LIMA1: variants seen among roughly 807,000 people sequenced by gnomAD.
LIMA1 encodes the protein LIM domain and actin binding 1.
Under a neutral mutation model 62.6 loss-of-function variants are expected in LIMA1, and 52 were observed. The observed-to-expected ratio is 0.83, with a 90% CI of 0.67 to 1.05. LIMA1 has a LOEUF of 1.05. Ranked by LOEUF, LIMA1 falls within the 50% of genes least tolerant of loss-of-function variation. LIMA1 has a pLI of 0.00. For synonymous variants in LIMA1, 302 were observed against 317.8 expected, an observed-to-expected ratio of 0.95 and a Z score of 0.53; for missense variants, 780 against 902.2, an observed-to-expected ratio of 0.86 and a Z score of 1.74.
intron 4 of LIMA1, among the ~76,000 whole-genome samples, chr12:50,208,523 G>A (rs149242652): frequency 7.9e-4 from 120 of 151,986 alleles, no homozygotes; most frequent in African/African-American, 2.7e-3. Flanking sequence ...TATGGCATGC[G>A]CCTGTAGTCC....
intron 1 of LIMA1, among the ~76,000 whole-genome samples, chr12:50,264,530 A>C (rs1213190405): frequency 6.6e-6 from 1 of 152,234 alleles, no homozygotes; most frequent in Admixed American, 6.5e-5. Flanking sequence ...AGTAGAATGG[A>C]AATAGCAGCT....
At chr12:50,282,701 C>T (rs1942354612) in intron 1 of LIMA1, among the ~76,000 whole-genome samples, 1 of 152,164 alleles carries the variant, frequency 6.6e-6, no homozygotes, top group Non-Finnish European at 1.5e-5. Flanking sequence ...AGGTGCAAGA[C>T]AATAGTAGTT....
Position 50,205,993 on chromosome 12 carries a change from T to C in LIMA1, c.706A>G (p.Ile236Val), listed in dbSNP as rs1157326119. The part of the protein sequence containing the change: ...ENSYSLDDLE[I>V]GPGQLSSSTF... ...GGAACTCTCTGCTTACCTGGGCCTA[T>C]TTCCAGGTCATCTAGAGAATAGCTG... The change falls in exon 5 of 11, where the codon ATA becomes GTA. Residue 236 changes from isoleucine to valine, a missense_variant. Coordinates refer to ENST00000341247, the MANE Select transcript of LIMA1 (RefSeq NM_016357.5). 6 of 1,611,216 alleles carry C rather than the reference T, an allele frequency of 3.7e-6. No homozygotes were observed. The South Asian group carries it at 6.6e-5, about 18-fold the overall frequency.
At position 50,195,702 on chromosome 12, in the gene LIMA1, G is replaced by C; in HGVS notation, c.1030+128C>G. 4.7e-6 allele frequency: 4 copies of C among 847,152 alleles called. No individual in the cohort carries two copies. In the South Asian group the frequency reaches 8.3e-5, roughly 18 times the overall value. 52.5% of individuals were successfully genotyped at this position (847,152 alleles called of 1,614,324 possible). A position where few individuals can be genotyped will look rare whatever the true frequency, so the allele number is the denominator to read the frequency against. ...GTGTGTAAAGGACATTCAAGCATTA[G>C]CCCTTAAATTCAAGTAGAGGATTTA... On this transcript the variant is annotated intron_variant, in intron 8 of 10. Transcript: ENST00000341247.
chr12:50,183,522 A>C (rs559407625), intron 9 of LIMA1, among the ~76,000 whole-genome samples: 1 of 152,142 alleles, frequency 6.6e-6, no homozygotes, highest in African/African-American at 2.4e-5. Context: ...AGTAAAAAAA[A>C]TCCAAAATAG....
At chr12:50,249,565 T>A (rs911972882) in intron 1 of LIMA1, 1 of 152,090 alleles carries the variant, frequency 6.6e-6, no homozygotes, top group East Asian at 1.9e-4. Flanking sequence ...TTTTCCAACA[T>A]CCCTTTCAGC....
chr12:50,254,858 G>A (rs1286887191), intron 1 of LIMA1, among the ~76,000 whole-genome samples: 2 of 151,904 alleles, frequency 1.3e-5, no homozygotes, highest in African/African-American at 2.4e-5. Context: ...TCAGGAGTTC[G>A]AGGCCAGCCT....
At chr12:50,247,654 C>T (rs1038815126) in intron 2 of LIMA1, among the ~76,000 whole-genome samples, 8 of 99,784 alleles carry the variant, frequency 8.0e-5, no homozygotes, top group African/African-American at 1.4e-4. Context: ...GACAGAGTCT[C>T]GCTCTGTTGC....
intron 1 of LIMA1, among the ~76,000 whole-genome samples, chr12:50,264,377 T>C (rs1942113720): frequency 6.6e-6 from 1 of 152,210 alleles, no homozygotes. Flanking sequence ...AATTTTTCAA[T>C]AAAACTTTAT....
chr12:50,259,167 C>T (rs991779807), intron 1 of LIMA1, among the ~76,000 whole-genome samples: 3 of 152,060 alleles, frequency 2.0e-5, no homozygotes, highest in African/African-American at 7.2e-5. Context: ...ATATTTTTTT[C>T]ACTCCATTTG....
At chr12:50,192,678 G>A in intron 8 of LIMA1, 117 bp from the exon 9 acceptor site, 1 of 685,460 alleles carries the variant, frequency 1.5e-6, no homozygotes, top group Non-Finnish European at 2.7e-6. Flanking sequence ...TCCAACACCA[G>A]GAAAAACACT....
intron 9 of LIMA1, chr12:50,189,846 G>A (rs1940713169): frequency 6.6e-6 from 1 of 151,974 alleles, no homozygotes; most frequent in Admixed American, 6.6e-5. Context: ...CAAGTAGCTG[G>A]GATTACAGGT....
intron 9 of LIMA1, among the ~76,000 whole-genome samples, chr12:50,184,015 A>G (rs1006178724): frequency 6.6e-6 from 1 of 152,122 alleles, no homozygotes; most frequent in Non-Finnish European, 1.5e-5. Context: ...AATTAGTGGT[A>G]AACTCCCAAG....
chr12:50,201,385 C>T (rs1209671665), intron 6 of LIMA1: 2 of 983,434 alleles, frequency 2.0e-6, no homozygotes, highest in Admixed American at 6.1e-5. Flanking sequence ...TTAATGATAC[C>T]ATAAAGAAAC....
At chr12:50,202,121 G>C (rs540312011) in intron 6 of LIMA1, 5 of 152,282 alleles carry the variant, frequency 3.3e-5, no homozygotes, top group Admixed American at 1.3e-4. Flanking sequence ...CACAGCACCG[G>C]AGGTGCATCT....
rs567491926 is a variant in LIMA1, at chr12:50,271,680, G to A, written c.-24+11740C>T. On this transcript the variant is annotated intron_variant, in intron 1 of 10. Coordinates refer to ENST00000341247, the MANE Select transcript of LIMA1 (RefSeq NM_016357.5). ...ATTTACAATTGACCAAGACCATCAC[G>A]ACAAAGCACAGACTTCCTCTGAACA... Among the ~76,000 whole-genome samples, 7 of 152,288 alleles carry A rather than the reference G, an allele frequency of 4.6e-5. No individual in the cohort carries two copies. The East Asian group carries it at 9.6e-4, about 21-fold the overall frequency.
At chr12:50,277,587 T>C (rs11169350) in intron 1 of LIMA1, among the ~76,000 whole-genome samples, 56,073 of 151,970 alleles carry the variant, frequency 0.37, 11,055 homozygotes, top group South Asian at 0.49. Flanking sequence ...ACCTGATTGG[T>C]TGATGACAAC....
intron 3 of LIMA1, among the ~76,000 whole-genome samples, chr12:50,228,001 A>C (rs1941557908): frequency 6.6e-6 from 1 of 151,900 alleles, no homozygotes; most frequent in South Asian, 2.1e-4. Context: ...CTAGGACTAC[A>C]GGCGCCCGCC....
In LIMA1 at chr12:50,177,266, A is replaced by C; in HGVS notation, c.2078T>G (p.Phe693Cys). 1 of 1,614,068 alleles carries C rather than the reference A, an allele frequency of 6.2e-7. No individual in the cohort carries two copies. The highest frequency in any genetic ancestry group is 8.5e-7 in the Non-Finnish European group (1 of 1,179,996). Residue 693 changes from phenylalanine to cysteine, a missense_variant, in exon 11 of 11, where the codon TTC becomes TGC. Phe to Cys is a radical substitution (Grantham distance 205). Coordinates refer to ENST00000341247, the MANE Select transcript of LIMA1 (RefSeq NM_016357.5). ...TTCTTGTGGAGATTGTTGTTTGAGGAAGCTGTTATCATCTTCATCGGAGTC... is the reference window on the plus strand; with the variant it reads ...TTCTTGTGGAGATTGTTGTTTGAGGCAGCTGTTATCATCTTCATCGGAGTC... Reference protein sequence around the residue: ...GADSDEDDNSFLKQQSPQEPK... With the variant: ...GADSDEDDNSCLKQQSPQEPK...
Sources: gnomAD v4.1 joint callset for allele counts (sites outside exome capture counted in the v4.1 genomes callset) on GRCh38, gnomAD v4.1.1 for gene constraint, MANE v1.5 for transcripts, NCBI Gene and HGNC (gene_info 2026-07-23, HGNC 2026-07-21) for gene names.